Variants in P3H2 observed in about 807,000 individuals in gnomAD.
P3H2 encodes leprecan-like 1.
In P3H2, 80 loss-of-function variants were observed where a neutral mutation model predicts 87.0. That is an observed-to-expected ratio of 0.92 (90% CI 0.77 to 1.11). P3H2 has a LOEUF of 1.11. Ranked by LOEUF, P3H2 falls within the 50% of genes least tolerant of loss-of-function variation. P3H2 has a pLI of 0.00. For missense variants in P3H2, 1,001 were observed against 923.9 expected, an observed-to-expected ratio of 1.08 and a Z score of -1.08; for synonymous variants, 367 against 359.3, an observed-to-expected ratio of 1.02 and a Z score of -0.24.
intron 1 of P3H2, among the ~76,000 whole-genome samples, chr3:190,038,842 A>G (rs1725507800): frequency 6.6e-6 from 1 of 152,240 alleles, no homozygotes; most frequent in Non-Finnish European, 1.5e-5. Context: ...TTTAAAGAAT[A>G]AACTGCAGTT....
intron 1 of P3H2, among the ~76,000 whole-genome samples, chr3:190,040,525 TA>T (rs1245502113): frequency 1.3e-5 from 2 of 152,210 alleles, no homozygotes; most frequent in African/African-American, 4.8e-5. Context: ...GATATACGAC[TA>T]AAAATGTTCA....
chr3:190,060,543 AT>A (rs1417577315), intron 1 of P3H2, among the ~76,000 whole-genome samples: 3 of 152,226 alleles, frequency 2.0e-5, no homozygotes, highest in Admixed American at 6.5e-5. Flanking sequence ...CCAATTTTAT[AT>A]TTTTTAATAG....
At chr3:190,103,309 T>C (rs2108517399) in intron 1 of P3H2, among the ~76,000 whole-genome samples, 1 of 152,360 alleles carries the variant, frequency 6.6e-6, no homozygotes, top group Non-Finnish European at 1.5e-5. Context: ...CAGCCATATG[T>C]AAATGTTTAG....
chr3:189,975,344 A>T (rs1015753544), intron 8 of P3H2, among the ~76,000 whole-genome samples: 1 of 152,196 alleles, frequency 6.6e-6, no homozygotes, highest in Non-Finnish European at 1.5e-5. Context: ...AACTCCAGAT[A>T]GGCTCTTCAG....
intron 14 of P3H2, 151 bp downstream of exon 14, chr3:189,963,807 T>G (rs1313023125): frequency 5.1e-6 from 4 of 778,288 alleles, no homozygotes; most frequent in Non-Finnish European, 8.9e-6. Context: ...CACAGCTATT[T>G]CTACAAACAT....
At chr3:189,966,497 A>C (rs1279651020) in intron 13 of P3H2, among the ~76,000 whole-genome samples, 1 of 152,204 alleles carries the variant, frequency 6.6e-6, no homozygotes, top group Admixed American at 6.5e-5. Flanking sequence ...GATCTCTAAG[A>C]CCCATCTCAT....
chr3:190,066,138 G>GAT (rs1553880398), intron 1 of P3H2, among the ~76,000 whole-genome samples: 1 of 130,074 alleles, frequency 7.7e-6, no homozygotes, highest in Non-Finnish European at 1.6e-5. Flanking sequence ...AAGAAACTGT[G>GAT]GTGTGTATAT....
At chr3:189,994,381 C>T in intron 2 of P3H2, 98 bp from the exon 3 acceptor site, 1 of 976,446 alleles carries the variant, frequency 1.0e-6, no homozygotes, top group Non-Finnish European at 1.6e-6. Flanking sequence ...GACTCAGGAT[C>T]ATCTAGGTAG....
At chr3:190,010,327 G>A (rs940994153) in intron 1 of P3H2, among the ~76,000 whole-genome samples, 1 of 152,072 alleles carries the variant, frequency 6.6e-6, no homozygotes, top group Non-Finnish European at 1.5e-5. Flanking sequence ...GTATTACCAC[G>A]TGTTTTGCGC....
At chr3:190,108,886 T>C (rs1711958021) in intron 1 of P3H2, among the ~76,000 whole-genome samples, 4 of 152,236 alleles carry the variant, frequency 2.6e-5, no homozygotes, top group African/African-American at 2.4e-5. Context: ...ATTTGGTAAA[T>C]ATTCAGTGTT....
intron 1 of P3H2, 149 bp from the exon 2 acceptor site, chr3:189,995,591 A>G (rs1724032010): frequency 1.3e-6 from 1 of 788,650 alleles, no homozygotes; most frequent in African/African-American, 1.8e-5. Flanking sequence ...CAATAAAAAC[A>G]AAATAAATGG....
intron 1 of P3H2, among the ~76,000 whole-genome samples, chr3:190,055,176 C>T (rs1726110987): frequency 6.6e-6 from 1 of 152,154 alleles, no homozygotes; most frequent in Admixed American, 6.6e-5. Context: ...TGTCCACAAA[C>T]AACTTTTAAT....
At chr3:190,107,062 C>T (rs1212097592) in intron 1 of P3H2, among the ~76,000 whole-genome samples, 1 of 152,080 alleles carries the variant, frequency 6.6e-6, no homozygotes, top group Non-Finnish European at 1.5e-5. Context: ...TGTCATTTTG[C>T]TATTTCAGGT....
At chr3:190,041,689 C>G (rs1407498928) in intron 1 of P3H2, among the ~76,000 whole-genome samples, 2 of 152,156 alleles carry the variant, frequency 1.3e-5, no homozygotes, top group Admixed American at 6.5e-5. Flanking sequence ...GCTAATTTCT[C>G]CCTATTACTT....
chr3:190,077,503 G>T (rs1726909311), intron 1 of P3H2, among the ~76,000 whole-genome samples: 1 of 152,084 alleles, frequency 6.6e-6, no homozygotes, highest in Non-Finnish European at 1.5e-5. Context: ...CAAAAGAATG[G>T]CCTGAAATCT....
chr3:190,081,206 T>C (rs1727031304), intron 1 of P3H2, among the ~76,000 whole-genome samples: 1 of 152,242 alleles, frequency 6.6e-6, no homozygotes, highest in South Asian at 2.1e-4. Context: ...TTTATTATTA[T>C]GGTTCGTTTG....
chr3:190,072,913 A>G (rs1357930082), intron 1 of P3H2, among the ~76,000 whole-genome samples: 3 of 151,740 alleles, frequency 2.0e-5, no homozygotes, highest in Admixed American at 6.5e-5. Context: ...TATTTTGCAA[A>G]TTATCTACCA....
In P3H2 at chr3:189,964,200, G is replaced by A. The variant is rs371077395; in HGVS notation, c.1894-102C>T. Reference sequence around the variant, plus strand: ...GAGATTATTTGAGTTAAGGCCTGAGGCGAAGAATAAAGGAATCCTGGGATT... The same window carrying A: ...GAGATTATTTGAGTTAAGGCCTGAGACGAAGAATAAAGGAATCCTGGGATT... On this transcript the variant is annotated intron_variant, in intron 13 of 14. Transcript: ENST00000319332. 1.6e-4 allele frequency: 178 copies of A among 1,098,172 alleles called. No individual in the cohort carries two copies. In the Middle Eastern group the frequency reaches 1.7e-3, roughly 10 times the overall value. 68.0% of individuals were successfully genotyped at this position (1,098,172 alleles called of 1,614,324 possible).
chr3:189,996,043 AGT>A (rs1188181478), intron 1 of P3H2, among the ~76,000 whole-genome samples: 2 of 152,242 alleles, frequency 1.3e-5, no homozygotes, highest in Admixed American at 6.5e-5. Context: ...TATGAAAAAC[AGT>A]ATGGAGTTTC....
Sources: allele counts gnomAD v4.1 joint callset (sites outside exome capture counted in the v4.1 genomes callset), GRCh38; gene constraint gnomAD v4.1.1; transcripts MANE v1.5; gene names NCBI Gene and HGNC (gene_info 2026-07-23, HGNC 2026-07-21).